The following NHLRC2 variants were observed in gnomAD, a reference collection of about 807,000 sequenced individuals.
NHLRC2 encodes the protein NHL repeat-containing protein 2.
In NHLRC2, 33 loss-of-function variants were observed where a neutral mutation model predicts 68.1. The ratio of observed to expected loss-of-function variants is 0.48; its 90% CI spans 0.37 to 0.65. The LOEUF is 0.65. NHLRC2 is among the 30% of genes least tolerant of loss of function. NHLRC2 has a pLI of 0.00. For missense variants in NHLRC2, 761 were observed against 853.8 expected (o/e 0.89, Z 1.35); for synonymous variants, 311 against 309.6 (o/e 1.00, Z -0.05).
intron 2 of NHLRC2, 174 bp downstream of exon 2, chr10:113,858,854 TA>T: frequency 2.3e-6 from 1 of 439,090 alleles, no homozygotes; most frequent in Non-Finnish European, 4.0e-6. Flanking sequence ...GGATTAAGCT[TA>T]GTGATAGTGG....
intron 5 of NHLRC2, among the ~76,000 whole-genome samples, chr10:113,895,207 G>C (rs538138697): frequency 6.6e-6 from 1 of 152,308 alleles, no homozygotes; most frequent in African/African-American, 2.4e-5. Flanking sequence ...CCATCATTAG[G>C]ATAGCTTTAG....
chr10:113,897,658 T>C (rs1018612525), intron 5 of NHLRC2, among the ~76,000 whole-genome samples: 1 of 152,242 alleles, frequency 6.6e-6, no homozygotes, highest in Non-Finnish European at 1.5e-5. Flanking sequence ...AACATTGTGG[T>C]ATGCTAAAAA....
At chr10:113,867,900 C>T (rs1334421568) in intron 2 of NHLRC2, among the ~76,000 whole-genome samples, 1 of 152,164 alleles carries the variant, frequency 6.6e-6, no homozygotes, top group Non-Finnish European at 1.5e-5. Context: ...GTATACGTCT[C>T]TCAATAAGAC....
intron 10 of NHLRC2, among the ~76,000 whole-genome samples, chr10:113,906,934 C>T (rs899027215): frequency 6.6e-6 from 1 of 152,190 alleles, no homozygotes; most frequent in Non-Finnish European, 1.5e-5. Flanking sequence ...TCGCAGTGAG[C>T]CAAGCTCACG....
chr10:113,893,745 T>C (rs995064440), intron 5 of NHLRC2, among the ~76,000 whole-genome samples: 1 of 152,308 alleles, frequency 6.6e-6, no homozygotes, highest in Non-Finnish European at 1.5e-5. Flanking sequence ...CCAGCTGAGC[T>C]AGACCGACCT....
intron 7 of NHLRC2, 51 bp from the exon 8 acceptor site, chr10:113,902,420 C>A: frequency 2.4e-6 from 3 of 1,233,802 alleles, no homozygotes; most frequent in South Asian, 2.9e-5. Flanking sequence ...TAACAAAACA[C>A]TGTAAAAATT....
chr10:113,855,515 T>C (rs1845741346), intron 1 of NHLRC2, among the ~76,000 whole-genome samples: 1 of 152,130 alleles, frequency 6.6e-6, no homozygotes, highest in Admixed American at 6.5e-5. Context: ...TCTCCCAGGC[T>C]GGAGTACAGT....
At chr10:113,869,328 C>A (rs1845900530) in intron 2 of NHLRC2, among the ~76,000 whole-genome samples, 1 of 152,178 alleles carries the variant, frequency 6.6e-6, no homozygotes, top group South Asian at 2.1e-4. Context: ...ACAGGAAACA[C>A]TGAAAAGGTC....
intron 2 of NHLRC2, among the ~76,000 whole-genome samples, chr10:113,867,664 AATC>A (rs1217078220): frequency 1.3e-5 from 2 of 152,160 alleles, no homozygotes; most frequent in Non-Finnish European, 2.9e-5. Context: ...CTCTGCCTGG[AATC>A]ATCGTCTCAT....
At chr10:113,887,000 G>A (rs980099201) in intron 5 of NHLRC2, among the ~76,000 whole-genome samples, 14 of 152,150 alleles carry the variant, frequency 9.2e-5, no homozygotes, top group Non-Finnish European at 8.8e-5. Flanking sequence ...TCCAAAATAT[G>A]TAAGGAACTC....
At chr10:113,888,240 G>A (rs1412542732) in intron 5 of NHLRC2, among the ~76,000 whole-genome samples, 1 of 152,102 alleles carries the variant, frequency 6.6e-6, no homozygotes, top group African/African-American at 2.4e-5. Context: ...AGAGATAATT[G>A]TGCACTGCAT....
intron 5 of NHLRC2, among the ~76,000 whole-genome samples, chr10:113,890,058 A>G (rs1162429778): frequency 6.6e-6 from 1 of 152,222 alleles, no homozygotes; most frequent in African/African-American, 2.4e-5. Flanking sequence ...ATGCCTAAGA[A>G]TGAGATTACT....
chr10:113,865,949 C>T (rs1564850883), intron 2 of NHLRC2, among the ~76,000 whole-genome samples: 1 of 152,176 alleles, frequency 6.6e-6, no homozygotes, highest in African/African-American at 2.4e-5. Context: ...AATGTATCTG[C>T]AGCAGTGCTA....
Position 113,876,606 on chromosome 10 carries a change from C to T in NHLRC2, c.417C>T (p.Tyr139=), listed in dbSNP as rs766771676. The change falls in exon 3 of 11, where the codon TAC becomes TAT. Residue 139 remains tyrosine, a synonymous_variant. Coordinates refer to ENST00000369301, the MANE Select transcript of NHLRC2 (RefSeq NM_198514.4). The stretch of plus-strand genomic sequence containing the variant: ...ACATTAAGAGTGCTGTTCTTCGATA[C>T]AACATCACCCACCCTATGGTTAATG... The part of the protein sequence containing the change: ...LDNIKSAVLR[Y]NITHPMVNDA... 43 of 1,613,404 alleles carry T rather than the reference C, an allele frequency of 2.7e-5. No homozygotes were observed. Among genetic ancestry groups the T allele is most frequent in the Non-Finnish European group, 3.4e-5 (40 of 1,179,544 alleles).
chr10:113,862,187 A>C (rs1381720887), intron 2 of NHLRC2, among the ~76,000 whole-genome samples: 1 of 152,014 alleles, frequency 6.6e-6, no homozygotes, highest in Non-Finnish European at 1.5e-5. Flanking sequence ...CCTATTTTCT[A>C]TGTAATTTAA....
intron 6 of NHLRC2, among the ~76,000 whole-genome samples, chr10:113,901,392 A>G (rs186891678): frequency 6.6e-6 from 1 of 152,336 alleles, no homozygotes; most frequent in African/African-American, 2.4e-5. Flanking sequence ...TTATAATTCT[A>G]TCAGGGATTT....
intron 2 of NHLRC2, among the ~76,000 whole-genome samples, chr10:113,860,712 C>T (rs975471993): frequency 6.6e-6 from 1 of 151,898 alleles, no homozygotes; most frequent in African/African-American, 2.4e-5. Context: ...AATGGAAATA[C>T]AATAAAGAGA....
Position 113,884,425 on chromosome 10 carries a change from A to G in NHLRC2, c.1039+45A>G, listed in dbSNP as rs139372285. The G allele has an allele frequency of 5.6e-4, 861 of 1,528,928 alleles. 1 individual carries two copies. In the African/African-American group the frequency reaches 7.9e-3, roughly 14 times the overall value. The allele number at this position is 1,528,928 out of a possible 1,614,324, so 94.7% of individuals were successfully genotyped here. On this transcript the variant is annotated intron_variant, in intron 5 of 10. Coordinates refer to ENST00000369301, the MANE Select transcript of NHLRC2 (RefSeq NM_198514.4). ...TAAATGTAAAGGTAAATTTTACTTC[A>G]TGTAAGATTTAAAAATATTCTTGAG... is the stretch of plus-strand genomic sequence containing the variant.
chr10:113,882,450 C>T (rs918563335), intron 4 of NHLRC2, among the ~76,000 whole-genome samples: 2 of 151,748 alleles, frequency 1.3e-5, no homozygotes, highest in Non-Finnish European at 3.0e-5. Context: ...TCCCTTATGA[C>T]TAATGATGTC....
Sources: gnomAD v4.1 joint callset for allele counts (sites outside exome capture counted in the v4.1 genomes callset) on GRCh38, gnomAD v4.1.1 for gene constraint, MANE v1.5 for transcripts, NCBI Gene and HGNC (gene_info 2026-07-23, HGNC 2026-07-21) for gene names.